Variants in LTBP1 observed in about 807,000 individuals in gnomAD.
The protein encoded by LTBP1 is latent-transforming growth factor beta-binding protein 1.
A neutral mutation model predicts 207.6 loss-of-function variants in LTBP1; 129 were observed. The observed-to-expected ratio is 0.62, with a 90% CI of 0.54 to 0.72. The LOEUF (loss-of-function observed/expected upper bound fraction) is 0.72, where lower values mean the gene tolerates loss of function less well. Among genes scored for constraint, LTBP1 ranks in the 30% least tolerant of loss-of-function variants. LTBP1 has a pLI of 0.00. For missense variants in LTBP1, 2,281 were observed against 2,217.2 expected (o/e 1.03, Z -0.58); for synonymous variants, 963 against 833.7 (o/e 1.16, Z -2.67).
intron 3 of LTBP1, among the ~76,000 whole-genome samples, chr2:33,049,789 A>G (rs1310488745): frequency 1.3e-5 from 2 of 152,116 alleles, no homozygotes; most frequent in Admixed American, 6.6e-5. Flanking sequence ...GGTATAGAAC[A>G]TGCATATAAT....
intron 2 of LTBP1, among the ~76,000 whole-genome samples, chr2:33,020,020 C>T (rs1358860092): frequency 6.6e-6 from 1 of 151,860 alleles, no homozygotes; most frequent in Non-Finnish European, 1.5e-5. Context: ...GGACTGATAA[C>T]TTTAAAACTC....
intron 20 of LTBP1, among the ~76,000 whole-genome samples, chr2:33,293,517 TCG>T (rs772574509): frequency 6.6e-5 from 10 of 152,148 alleles, no homozygotes; most frequent in Non-Finnish European, 1.0e-4. Flanking sequence ...GAGCCACAGA[TCG>T]GTTCATCTAA....
chr2:33,055,495 C>T (rs1025880943), intron 3 of LTBP1, among the ~76,000 whole-genome samples: 2 of 152,182 alleles, frequency 1.3e-5, no homozygotes, highest in Non-Finnish European at 2.9e-5. Context: ...GGGATCCATA[C>T]TGGGGATAGC....
At chr2:33,027,008 A>G (rs1015560379) in intron 3 of LTBP1, among the ~76,000 whole-genome samples, 2 of 152,286 alleles carry the variant, frequency 1.3e-5, no homozygotes, top group Non-Finnish European at 1.5e-5. Flanking sequence ...CTGTGTTTGA[A>G]CTGTATGTAA....
In LTBP1 at chr2:33,206,390, A is replaced by T. The variant is rs543332860; in HGVS notation, c.1702-11162A>T. Among the ~76,000 whole-genome samples the T allele has an allele frequency of 3.9e-5, 6 of 152,308 alleles. No individual in the cohort carries two copies. The South Asian group carries it at 1.2e-3, about 32-fold the overall frequency. The stretch of plus-strand genomic sequence containing the variant: ...TAAAATGTTTTTGGTTCCTTTGATT[A>T]TCTCTTTATAGACATGAAGCTTAAT... On this transcript the variant is annotated intron_variant, in intron 7 of 33. Transcript: ENST00000404816.
chr2:33,232,659 A>C (rs2091853904), intron 9 of LTBP1, among the ~76,000 whole-genome samples: 1 of 152,202 alleles, frequency 6.6e-6, no homozygotes, highest in Admixed American at 6.5e-5. Context: ...TCAGATAAAC[A>C]ACAAATAGGT....
At chr2:33,203,320 G>T (rs2089527420) in intron 7 of LTBP1, among the ~76,000 whole-genome samples, 1 of 152,260 alleles carries the variant, frequency 6.6e-6, no homozygotes, top group South Asian at 2.1e-4. Flanking sequence ...ATCACCGCAT[G>T]TGAGAGAGAA....
chr2:33,343,180 T>C lies in LTBP1; in HGVS notation c.3856+217T>C, dbSNP rs180996727. 5.8e-4 allele frequency among the ~76,000 whole-genome samples: 88 copies of C among 152,242 alleles called. 1 individual carries two copies. Among genetic ancestry groups the C allele is most frequent in the Admixed American group, 5.8e-3 (88 of 15,294 alleles). ...ACTTTGGGAGGCCAAGGTTGGAGAA[T>C]TGCTTGAGACCAGGAGTTTGAGACC... On this transcript the variant is annotated intron_variant, in intron 25 of 33. Coordinates refer to ENST00000404816, the MANE Select transcript of LTBP1 (RefSeq NM_206943.4).
At chr2:33,093,386 A>G (rs1365869140) in intron 3 of LTBP1, among the ~76,000 whole-genome samples, 1 of 151,810 alleles carries the variant, frequency 6.6e-6, no homozygotes, top group Non-Finnish European at 1.5e-5. Context: ...ATGGGATTTT[A>G]TTTACCGCCT....
At chr2:33,177,497 G>C (rs1251219744) in intron 5 of LTBP1, among the ~76,000 whole-genome samples, 1 of 152,148 alleles carries the variant, frequency 6.6e-6, no homozygotes, top group East Asian at 1.9e-4. Flanking sequence ...CATAATTTTT[G>C]TATGTACTAA....
intron 4 of LTBP1, among the ~76,000 whole-genome samples, chr2:33,118,212 A>AC (rs1472346564): frequency 8.6e-5 from 13 of 151,838 alleles, no homozygotes; most frequent in Middle Eastern, 3.4e-3. Context: ...AACAAAAAAA[A>AC]AACAACAAAA....
chr2:32,954,266 A>G (rs1002963089), intron 2 of LTBP1, among the ~76,000 whole-genome samples: 1 of 152,184 alleles, frequency 6.6e-6, no homozygotes, highest in African/African-American at 2.4e-5. Context: ...TTTCCAAGCT[A>G]TGTGAGTTTT....
intron 9 of LTBP1, among the ~76,000 whole-genome samples, chr2:33,223,292 A>G (rs996144947): frequency 6.6e-6 from 1 of 152,194 alleles, no homozygotes; most frequent in African/African-American, 2.4e-5. Flanking sequence ...AACTTTTATG[A>G]TATGTAGAGT....
intron 9 of LTBP1, among the ~76,000 whole-genome samples, chr2:33,236,917 A>C (rs1256702487): frequency 6.6e-6 from 1 of 152,186 alleles, no homozygotes; most frequent in Admixed American, 6.5e-5. Flanking sequence ...CCCCGAAGAC[A>C]GAAGAATTGG....
In LTBP1 at chr2:33,342,908, C is replaced by T; in HGVS notation, c.3801C>T (p.Phe1267=). The T allele has an allele frequency of 6.2e-7, 1 of 1,614,098 alleles. No homozygotes were observed. Among genetic ancestry groups the T allele is most frequent in the Non-Finnish European group, 8.5e-7 (1 of 1,179,954 alleles). The change falls in exon 25 of 34, where the codon TTC becomes TTT. Residue 1267 remains phenylalanine (F), a synonymous_variant. Coordinates refer to ENST00000404816, the MANE Select transcript of LTBP1 (RefSeq NM_206943.4). ...HGFCDNTAGS[F]RCLCYQGFQA... ...TTTGTGACAATACAGCTGGCTCCTT[C>T]CGCTGCCTCTGTTATCAGGGCTTTC...
At chr2:33,358,672 T>C (rs1365881348) in intron 26 of LTBP1, among the ~76,000 whole-genome samples, 1 of 152,114 alleles carries the variant, frequency 6.6e-6, no homozygotes, top group Admixed American at 6.6e-5. Context: ...CCCTGTTGCT[T>C]TTTTGATTTG....
intron 15 of LTBP1, among the ~76,000 whole-genome samples, chr2:33,266,412 G>A (rs1271132582): frequency 6.6e-6 from 1 of 152,190 alleles, no homozygotes; most frequent in Non-Finnish European, 1.5e-5. Flanking sequence ...TTCCTGGGTG[G>A]AAAGGGGTGA....
At chr2:33,152,000 G>T (rs965113187) in intron 5 of LTBP1, among the ~76,000 whole-genome samples, 22 of 151,858 alleles carry the variant, frequency 1.4e-4, no homozygotes, top group African/African-American at 5.3e-4. Context: ...TTCTAGACAT[G>T]GGCTTAGGCA....
intron 5 of LTBP1, among the ~76,000 whole-genome samples, chr2:33,154,631 A>T (rs887667879): frequency 1.3e-5 from 2 of 152,204 alleles, no homozygotes; most frequent in Non-Finnish European, 2.9e-5. Context: ...TGCTGTTATC[A>T]TCCAAGCGAC....
Sources: gnomAD v4.1 joint callset for allele counts (sites outside exome capture counted in the v4.1 genomes callset) on GRCh38, gnomAD v4.1.1 for gene constraint, MANE v1.5 for transcripts, NCBI Gene and HGNC (gene_info 2026-07-23, HGNC 2026-07-21) for gene names.